SPATA21: variants seen among roughly 807,000 people sequenced by gnomAD.
SPATA21 encodes the protein spermatogenesis-associated protein 21.
Under a neutral mutation model 54.8 loss-of-function variants are expected in SPATA21, and 47 were observed. That is an observed-to-expected ratio of 0.86 (90% CI 0.68 to 1.09). SPATA21 has a LOEUF of 1.09. Ranked by LOEUF, SPATA21 falls within the 50% of genes least tolerant of loss-of-function variation. SPATA21 has a pLI of 0.00. For synonymous variants in SPATA21, 245 were observed against 235.3 expected (o/e 1.04, Z -0.38); for missense variants, 599 against 596.4 (o/e 1.00, Z -0.05).
chr1:16,404,436 C>G (rs2085562184), intron 8 of SPATA21, among the ~76,000 whole-genome samples: 1 of 151,964 alleles, frequency 6.6e-6, no homozygotes, highest in Non-Finnish European at 1.5e-5. Context: ...TGCCACTGCC[C>G]TCCAGCCTGG....
chr1:16,421,631 C>A lies in SPATA21; in HGVS notation c.96-74G>T. 1 of 1,459,626 alleles carries A rather than the reference C, an allele frequency of 6.9e-7. No individual in the cohort carries two copies. The highest frequency in any genetic ancestry group is 9.4e-7 in the Non-Finnish European group (1 of 1,068,500). The allele number at this position is 1,459,626 out of a possible 1,614,324, so 90.4% of individuals were successfully genotyped here. On this transcript the variant is annotated intron_variant, in intron 4 of 12. Coordinates refer to ENST00000335496, the MANE Select transcript of SPATA21 (RefSeq NM_198546.1). The surrounding 1 kb of genome is among the most constrained non-coding windows in gnomAD (Gnocchi z 5.2). ...TTGCCCCCCTGCCCTCCCCTCTCAG[C>A]CCCCAGGACACTCAGTTCCACCCCA...
chr1:16,408,227 C>T (rs2085709803), intron 7 of SPATA21, among the ~76,000 whole-genome samples: 1 of 152,114 alleles, frequency 6.6e-6, no homozygotes, highest in Non-Finnish European at 1.5e-5. Context: ...TACATCCATT[C>T]TTCTAGGGCC....
intron 1 of SPATA21, among the ~76,000 whole-genome samples, chr1:16,433,873 C>A (rs958833045): frequency 4.6e-5 from 7 of 152,196 alleles, no homozygotes; most frequent in African/African-American, 1.7e-4. Context: ...ACATACCATA[C>A]AGTTCACCCA....
At chr1:16,437,032 T>C (rs1391549905) in intron 1 of SPATA21, 96 bp downstream of exon 1, 1 of 152,048 alleles carries the variant, frequency 6.6e-6, no homozygotes, top group Non-Finnish European at 1.5e-5. Context: ...GGCAGGAAAA[T>C]ACAGCAGATA....
At chr1:16,424,241 A>G (rs1382537406) in intron 3 of SPATA21, among the ~76,000 whole-genome samples, 1 of 1,504 alleles carries the variant, frequency 6.6e-4, no homozygotes, top group African/African-American at 2.9e-3. Flanking sequence ...TGAACCTGGG[A>G]GGCAGAGCTT....
At chr1:16,402,534 T>C (rs1272310749) in intron 10 of SPATA21, among the ~76,000 whole-genome samples, 6 of 149,846 alleles carry the variant, frequency 4.0e-5, no homozygotes, top group East Asian at 2.1e-4. Flanking sequence ...GTGCTGGGAT[T>C]ACAGGCATGA....
chr1:16,403,517 C>A (rs1383795214), intron 10 of SPATA21, among the ~76,000 whole-genome samples: 11 of 130,442 alleles, frequency 8.4e-5, no homozygotes, highest in Non-Finnish European at 4.7e-5. Flanking sequence ...GAGACAGAGT[C>A]TCACTCTGTC....
intron 11 of SPATA21, among the ~76,000 whole-genome samples, chr1:16,400,175 C>T (rs1057310420): frequency 4.6e-5 from 7 of 151,946 alleles, no homozygotes; most frequent in South Asian, 2.1e-4. Flanking sequence ...TACCGGTGCT[C>T]GCCACCACAC....
At chr1:16,402,482 C>T (rs1305325133) in intron 10 of SPATA21, among the ~76,000 whole-genome samples, 7 of 151,424 alleles carry the variant, frequency 4.6e-5, no homozygotes, top group Non-Finnish European at 7.4e-5. Flanking sequence ...AGGATGCTCT[C>T]GATCTCCTGA....
At chr1:16,433,343 G>A (rs1570229047) in intron 1 of SPATA21, among the ~76,000 whole-genome samples, 1 of 152,238 alleles carries the variant, frequency 6.6e-6, no homozygotes, top group Non-Finnish European at 1.5e-5. Flanking sequence ...CACCCCTGGT[G>A]CAGCTCTGGC....
chr1:16,403,941 G>A, intron 9 of SPATA21, 27 bp downstream of exon 9: 1 of 1,608,036 alleles, frequency 6.2e-7, no homozygotes, highest in Middle Eastern at 1.7e-4. Context: ...CTCCAGTTCT[G>A]ACTACGCTGG....
At chr1:16,407,013 G>A (rs1034923176) in intron 7 of SPATA21, among the ~76,000 whole-genome samples, 4 of 152,242 alleles carry the variant, frequency 2.6e-5, no homozygotes, top group Non-Finnish European at 5.9e-5. Context: ...GCAGGCTGCT[G>A]CATTCATGTG....
rs2085763333 is a variant in SPATA21 at position 16,409,599 on chromosome 1, A to C, written c.587+2T>G. The C allele has an allele frequency of 1.9e-6, 3 of 1,608,934 alleles. No homozygotes were observed. The highest frequency in any genetic ancestry group is 2.5e-6 in the Non-Finnish European group (3 of 1,178,978). On this transcript the variant is annotated splice_donor_variant, in intron 6 of 12. Transcript: ENST00000335496. LOFTEE classifies it high-confidence loss of function. The surrounding 1 kb of genome is among the most constrained non-coding windows in gnomAD (Gnocchi z 4.1). ...GGGCGGGTGAGCAGCGGGGGCTCCT[A>C]CCGCGCCTTGGCGTAGCTCAGGGTT...
At chr1:16,405,133 G>T (rs372559226) in intron 7 of SPATA21, 29 bp from the exon 8 acceptor site, 2 of 1,582,828 alleles carry the variant, frequency 1.3e-6, no homozygotes, top group Non-Finnish European at 1.7e-6. Context: ...TATGTGGAGT[G>T]GGGGCATTTC....
In SPATA21 at chr1:16,409,039, A is replaced by G; in HGVS notation, c.673+79T>C. On this transcript the variant is annotated intron_variant, in intron 7 of 12. Coordinates refer to ENST00000335496, the MANE Select transcript of SPATA21 (RefSeq NM_198546.1). This position sits in a 1 kb window ranked among gnomAD's most constrained non-coding sequence, Gnocchi z 4.1. The stretch of plus-strand genomic sequence containing the variant: ...AGCCATGTGATCTGGAAAGCACCCC[A>G]GTCCGCCCTGCGCCTATAAACCCCC... The G allele has an allele frequency of 1.4e-6, 2 of 1,481,228 alleles. No individual in the cohort carries two copies. Among genetic ancestry groups the G allele is most frequent in the African/African-American group, 2.8e-5 (2 of 72,100 alleles). The allele number at this position is 1,481,228 out of a possible 1,614,324, so 91.8% of individuals were successfully genotyped here.
chr1:16,417,081 C>T (rs576436808), intron 5 of SPATA21, among the ~76,000 whole-genome samples: 1 of 152,316 alleles, frequency 6.6e-6, no homozygotes, highest in South Asian at 2.1e-4. Context: ...TGCCTCACAT[C>T]CTGGAGGCTT....
chr1:16,426,583 T>A (rs866185460), intron 3 of SPATA21, among the ~76,000 whole-genome samples: 6,247 of 78,384 alleles, frequency 0.08, 159 homozygotes, highest in African/African-American at 0.12. Context: ...ATATATATTT[T>A]TTTTTTTTTT....
At chr1:16,415,925 G>A (rs2085993525) in intron 5 of SPATA21, among the ~76,000 whole-genome samples, 1 of 152,166 alleles carries the variant, frequency 6.6e-6, no homozygotes, top group Non-Finnish European at 1.5e-5. Flanking sequence ...GCCTGTGGGT[G>A]AACGATGGTG....
Position 16,421,464 on chromosome 1 carries a change from T to G in SPATA21, c.144+45A>C. Reference sequence around the variant, plus strand: ...TTCCTCCTCCTGATCCCCCCTGCCTTTCTCCTACACAGCTCGTCCCCGTTC... The same window carrying G: ...TTCCTCCTCCTGATCCCCCCTGCCTGTCTCCTACACAGCTCGTCCCCGTTC... On this transcript the variant is annotated intron_variant, in intron 5 of 12. Coordinates refer to ENST00000335496, the MANE Select transcript of SPATA21 (RefSeq NM_198546.1). This position sits in a 1 kb window ranked among gnomAD's most constrained non-coding sequence, Gnocchi z 5.2. 6.4e-7 allele frequency: 1 copy of G among 1,572,106 alleles called. No individual in the cohort carries two copies. The highest frequency in any genetic ancestry group is 8.6e-7 in the Non-Finnish European group (1 of 1,157,492).
Sources: gnomAD v4.1 joint callset for allele counts (sites outside exome capture counted in the v4.1 genomes callset) on GRCh38, gnomAD v4.1.1 for gene constraint, Gnocchi (gnomAD v3.1) non-coding constraint, MANE v1.5 for transcripts, NCBI Gene and HGNC (gene_info 2026-07-23, HGNC 2026-07-21) for gene names.